The following IPMK variants were observed in gnomAD, a reference collection of about 807,000 sequenced individuals.
The protein encoded by IPMK is inositol 1,3,4,6-tetrakisphosphate 5-kinase.
IPMK carries 17 observed loss-of-function variants against 45.8 expected under a neutral mutation model. That is an observed-to-expected ratio of 0.37 (90% CI 0.25 to 0.56). The LOEUF (loss-of-function observed/expected upper bound fraction) is 0.56. IPMK is among the 20% of genes least tolerant of loss of function. The pLI is 0.79. For missense variants in IPMK, 399 were observed against 498.0 expected, an observed-to-expected ratio of 0.80 and a Z score of 1.89; for synonymous variants, 180 against 184.3, an observed-to-expected ratio of 0.98 and a Z score of 0.19.
chr10:58,195,740 G>A lies in IPMK; in HGVS notation c.*336C>T, dbSNP rs1363181887. The A allele has an allele frequency of 5.0e-6, 1 of 198,642 alleles. No homozygotes were observed. The highest frequency in any genetic ancestry group is 1.0e-5 in the Non-Finnish European group (1 of 97,886). 12.3% of individuals were successfully genotyped at this position (198,642 alleles called of 1,614,324 possible). ...TCATTGTCAAGGCTGGGTGGACAGA[G>A]ATTTCATGAATTGGCTACAGAAAGC... On this transcript the variant is annotated 3_prime_UTR_variant, in exon 6 of 6. Transcript: ENST00000373935.
At chr10:58,240,332 C>T (rs183263695) in intron 1 of IPMK, among the ~76,000 whole-genome samples, 7 of 150,078 alleles carry the variant, frequency 4.7e-5, no homozygotes, top group Non-Finnish European at 7.4e-5. Context: ...AAGACCAATA[C>T]AAAATATCTA....
chr10:58,243,181 T>C (rs934992204), intron 1 of IPMK, among the ~76,000 whole-genome samples: 1 of 152,180 alleles, frequency 6.6e-6, no homozygotes, highest in African/African-American at 2.4e-5. Context: ...ATAACATTAT[T>C]TACAATAGCT....
intron 5 of IPMK, among the ~76,000 whole-genome samples, chr10:58,198,677 A>G (rs1187783602): frequency 6.6e-6 from 1 of 152,146 alleles, no homozygotes; most frequent in African/African-American, 2.4e-5. Flanking sequence ...ATTTCCAGGA[A>G]TCTAGGATAT....
chr10:58,248,098 TA>T (rs965282085), intron 1 of IPMK, among the ~76,000 whole-genome samples: 5 of 152,062 alleles, frequency 3.3e-5, no homozygotes, highest in African/African-American at 9.6e-5. Context: ...GTGCAAAGAA[TA>T]AAAAACATAA....
intron 3 of IPMK, 117 bp from the exon 4 acceptor site, chr10:58,216,434 T>A: frequency 2.1e-6 from 1 of 473,220 alleles, no homozygotes; most frequent in Non-Finnish European, 3.6e-6. Flanking sequence ...AAAATAAATG[T>A]AAAGTCAATA....
chr10:58,256,192 G>A (rs561051670), intron 1 of IPMK, among the ~76,000 whole-genome samples: 1 of 152,180 alleles, frequency 6.6e-6, no homozygotes, highest in Non-Finnish European at 1.5e-5. Context: ...GCAGAACAGA[G>A]TCATATTTCT....
intron 2 of IPMK, among the ~76,000 whole-genome samples, chr10:58,231,321 C>T (rs547288000): frequency 1.1e-4 from 17 of 152,186 alleles, no homozygotes; most frequent in South Asian, 4.2e-4. Context: ...TCAGGAAATA[C>T]GGAGAATGCC....
intron 1 of IPMK, among the ~76,000 whole-genome samples, chr10:58,247,521 T>G (rs569628963): frequency 6.6e-6 from 1 of 151,822 alleles, no homozygotes; most frequent in East Asian, 1.9e-4. Context: ...TGGATGAAAT[T>G]GGAAATCATC....
intron 2 of IPMK, among the ~76,000 whole-genome samples, chr10:58,230,399 T>G (rs1054887402): frequency 6.6e-6 from 1 of 152,174 alleles, no homozygotes; most frequent in Non-Finnish European, 1.5e-5. Context: ...CAGCCCCCAG[T>G]AGGGGCCAAC....
rs560813021 is a variant in IPMK at position 58,259,671 on chromosome 10, T to TAAA, written c.190+7748_190+7750dup. 4.3e-4 allele frequency among the ~76,000 whole-genome samples: 37 copies of TAAA among 86,764 alleles called. 2 individuals carry two copies. The highest frequency in any genetic ancestry group is 8.5e-4 in the South Asian group (2 of 2,362). 56.9% of individuals were successfully genotyped at this position (86,764 alleles called of 152,430 possible). ...AGCATGGTAAAATCCCATCTCTACA[T>TAAA]AAAAAAAAAAAAAAAACAATTAGCC... On this transcript the variant is annotated intron_variant, in intron 1 of 5. Transcript: ENST00000373935.
At chr10:58,204,070 A>C (rs922260944) in intron 4 of IPMK, among the ~76,000 whole-genome samples, 2 of 152,178 alleles carry the variant, frequency 1.3e-5, no homozygotes, top group Non-Finnish European at 2.9e-5. Context: ...TTTTTAAAAA[A>C]ACATAATGCA....
chr10:58,231,749 C>A (rs1008150139), intron 2 of IPMK, among the ~76,000 whole-genome samples: 1 of 152,140 alleles, frequency 6.6e-6, no homozygotes, highest in Non-Finnish European at 1.5e-5. Flanking sequence ...ACCATCGATG[C>A]TATGAAAAAA....
intron 2 of IPMK, among the ~76,000 whole-genome samples, chr10:58,230,947 C>G (rs2790229): frequency 6.6e-5 from 10 of 152,034 alleles, no homozygotes; most frequent in African/African-American, 2.4e-4. Context: ...TTAGATGAAT[C>G]GCTAACTAGA....
intron 1 of IPMK, among the ~76,000 whole-genome samples, chr10:58,243,129 A>C (rs1437902456): frequency 6.6e-6 from 1 of 152,104 alleles, no homozygotes; most frequent in Non-Finnish European, 1.5e-5. Context: ...CTAATACACT[A>C]TCCTAGGAAA....
chr10:58,265,531 T>G (rs1839135958), intron 1 of IPMK, among the ~76,000 whole-genome samples: 1 of 152,208 alleles, frequency 6.6e-6, no homozygotes. Context: ...ATCCTTTTAC[T>G]TAACAATACA....
At position 58,196,562 on chromosome 10, in the gene IPMK, A is replaced by C. The variant is rs761628068; in HGVS notation, c.765T>G (p.Phe255Leu). 5 of 1,614,004 alleles carry C rather than the reference A, an allele frequency of 3.1e-6. No individual in the cohort carries two copies. The East Asian group carries it at 6.7e-5, about 22-fold the overall frequency. The change falls in exon 6 of 6, where the codon TTT becomes TTG. Residue 255 changes from phenylalanine (F) to leucine (L), a missense_variant. Coordinates refer to ENST00000373935, the MANE Select transcript of IPMK (RefSeq NM_152230.5). ...QLNFYASSLL[F>L]VYEGSSQPTT... is the part of the protein sequence containing the mutation. The stretch of plus-strand genomic sequence containing the variant: ...TTGGCTGAGATGAACCTTCATAAAC[A>C]AAGAGTAATGAACTTGCGTAAAAAT...
rs956076959 is a variant in IPMK, at chr10:58,267,591, G to A, written c.21C>T (p.Ser7=). Residue 7 remains serine (S), a synonymous_variant, in exon 1 of 6, where the codon TCC becomes TCT. Coordinates refer to ENST00000373935, the MANE Select transcript of IPMK (RefSeq NM_152230.5). ...GGCCCGGCGCCTCGACCCGGAGGGG[G>A]GATGGTGGCTCTGTTGCCATAACGG... MATEPP[S]PLRVEAPGPP... is the part of the protein sequence containing the mutation. The A allele has an allele frequency of 3.7e-6, 6 of 1,602,906 alleles. No individual in the cohort carries two copies. The highest frequency in any genetic ancestry group is 4.3e-6 in the Non-Finnish European group (5 of 1,174,946).
At chr10:58,258,788 T>C (rs1440847692) in intron 1 of IPMK, among the ~76,000 whole-genome samples, 2 of 151,998 alleles carry the variant, frequency 1.3e-5, no homozygotes, top group African/African-American at 4.8e-5. Context: ...AAGTCTCCAA[T>C]TTAAGATGTC....
At chr10:58,204,440 T>A (rs2132145375) in intron 4 of IPMK, among the ~76,000 whole-genome samples, 1 of 152,150 alleles carries the variant, frequency 6.6e-6, no homozygotes, top group Non-Finnish European at 1.5e-5. Flanking sequence ...GACAAGCTGA[T>A]CCTAAAATTC....
Sources: gnomAD v4.1 joint callset for allele counts (sites outside exome capture counted in the v4.1 genomes callset) on GRCh38, gnomAD v4.1.1 for gene constraint, MANE v1.5 for transcripts, NCBI Gene and HGNC (gene_info 2026-07-23, HGNC 2026-07-21) for gene names.